SPTBN1: variants seen among roughly 807,000 people sequenced by gnomAD.
SPTBN1 encodes spectrin beta chain, non-erythrocytic 1.
Under a neutral mutation model 266.4 loss-of-function variants are expected in SPTBN1, and 32 were observed. The ratio of observed to expected loss-of-function variants is 0.12; its 90% confidence interval spans 0.09 to 0.16. The LOEUF (loss-of-function observed/expected upper bound fraction) is 0.16. Ranked by LOEUF, SPTBN1 falls within the 10% of genes least tolerant of loss-of-function variation. The probability of loss-of-function intolerance (pLI) is 1.00; values close to 1 mark genes in which losing one functional copy is unlikely to be tolerated. For synonymous variants in SPTBN1, 1,336 were observed against 1,162.2 expected, an observed-to-expected ratio of 1.15 and a Z score of -3.04; for missense variants, 2,296 against 3,067.1, an observed-to-expected ratio of 0.75 and a Z score of 5.94.
In SPTBN1 at chr2:54,558,038, G is replaced by C. The variant is rs1043145988; in HGVS notation, c.148+31472G>C. ...GACCCTTGGGGCTCTTCACTCTCCA[G>C]GCCGTCCCGTGGGCGCGCTAGCCTT... On this transcript the variant is annotated intron_variant, in intron 2 of 35. Coordinates refer to ENST00000356805, the MANE Select transcript of SPTBN1 (RefSeq NM_003128.3). The surrounding 1 kb of genome is among the most constrained non-coding windows in gnomAD (Gnocchi z 4.6). 60 of 985,180 alleles carry C rather than the reference G, an allele frequency of 6.1e-5. No homozygotes were observed. The highest frequency in any genetic ancestry group is 6.9e-5 in the Non-Finnish European group (57 of 829,916). 61.0% of individuals were successfully genotyped at this position (985,180 alleles called of 1,614,324 possible). A position where few individuals can be genotyped will look rare whatever the true frequency, so the allele number is the denominator to read the frequency against.
At chr2:54,586,364 A>G (rs1675295771) in intron 2 of SPTBN1, among the ~76,000 whole-genome samples, 1 of 152,360 alleles carries the variant, frequency 6.6e-6, no homozygotes, top group African/African-American at 2.4e-5. Context: ...ACAGAAGCCA[A>G]TTTTTAAATC....
chr2:54,549,036 C>CA (rs1328769292), intron 2 of SPTBN1, among the ~76,000 whole-genome samples: 1 of 152,132 alleles, frequency 6.6e-6, no homozygotes, highest in Non-Finnish European at 1.5e-5. Flanking sequence ...CACGGTGGCT[C>CA]ACGCCTGTAA....
intron 1 of SPTBN1, among the ~76,000 whole-genome samples, chr2:54,496,007 C>G (rs1054232236): frequency 6.6e-6 from 1 of 152,080 alleles, no homozygotes; most frequent in Admixed American, 6.6e-5. Flanking sequence ...TAGAAGTACA[C>G]ATGGGCTTAT....
intron 2 of SPTBN1, among the ~76,000 whole-genome samples, chr2:54,551,593 A>G (rs1476748493): frequency 6.6e-6 from 1 of 152,134 alleles, no homozygotes; most frequent in African/African-American, 2.4e-5. Flanking sequence ...CTCAGCAGTG[A>G]TCTCAGGTGT....
intron 24 of SPTBN1, 105 bp from the exon 25 acceptor site, chr2:54,648,881 A>G (rs1680086191): frequency 1.6e-5 from 17 of 1,063,102 alleles, no homozygotes; most frequent in South Asian, 1.1e-4. Flanking sequence ...TTTGAGAAAT[A>G]TGATGTAATA....
rs1439553185 is a variant in SPTBN1, at chr2:54,670,785, GCT to G, written c.*2223_*2224del. The G allele has an allele frequency of 1.8e-5, 7 of 398,294 alleles. No individual in the cohort carries two copies. Among genetic ancestry groups the G allele is most frequent in the Admixed American group, 1.3e-4 (3 of 22,706 alleles). The allele number at this position is 398,294 out of a possible 1,614,324, so 24.7% of individuals were successfully genotyped here. A position where few individuals can be genotyped will look rare whatever the true frequency, so the allele number is the denominator to read the frequency against. Reference sequence around the variant, plus strand: ...ATGAAGCCAGGGTTTGGTGGTATTTGCTCTCTCTTGGTGCATTTGATAAGGAT... The same window carrying G: ...ATGAAGCCAGGGTTTGGTGGTATTTGCTCTCTTGGTGCATTTGATAAGGAT... On this transcript the variant is annotated 3_prime_UTR_variant, in exon 36 of 36. Transcript: ENST00000356805.
intron 24 of SPTBN1, among the ~76,000 whole-genome samples, chr2:54,647,991 G>A (rs768085142): frequency 3.0e-4 from 45 of 152,192 alleles, no homozygotes; most frequent in Non-Finnish European, 5.3e-4. Flanking sequence ...GCATAGACCT[G>A]TAAAATGAAG....
rs780362226 is a variant in SPTBN1 at position 54,649,233 on chromosome 2, G to A, written c.5202+43G>A. The A allele has an allele frequency of 3.9e-6, 6 of 1,553,790 alleles. No individual in the cohort carries two copies. The highest frequency in any genetic ancestry group is 1.4e-5 in the African/African-American group (1 of 73,786). On this transcript the variant is annotated intron_variant, in intron 25 of 35. Coordinates refer to ENST00000356805, the MANE Select transcript of SPTBN1 (RefSeq NM_003128.3). The surrounding 1 kb of genome is among the most constrained non-coding windows in gnomAD (Gnocchi z 6.7). Reference sequence around the variant, plus strand: ...TGCATGAGTTGGTTGTGCAGTAAGCGATGGTGTGGAAGGCCATTTGCATTC... The same window carrying A: ...TGCATGAGTTGGTTGTGCAGTAAGCAATGGTGTGGAAGGCCATTTGCATTC...
intron 1 of SPTBN1, among the ~76,000 whole-genome samples, chr2:54,483,666 C>T (rs529452218): frequency 1.4e-3 from 219 of 152,000 alleles, no homozygotes; most frequent in Admixed American, 2.7e-3. Flanking sequence ...TTCCTGGGCA[C>T]AGGAAGTGGG....
chr2:54,567,792 A>C (rs757655927), intron 2 of SPTBN1, among the ~76,000 whole-genome samples: 3 of 152,078 alleles, frequency 2.0e-5, no homozygotes, highest in African/African-American at 7.2e-5. Flanking sequence ...CTCTCTCTAT[A>C]TATATAGAAA....
At chr2:54,529,577 A>G in intron 2 of SPTBN1, 2 of 717,974 alleles carry the variant, frequency 2.8e-6, no homozygotes, top group South Asian at 2.7e-5. Context: ...TGCTATCATC[A>G]AGTTTCCTCT....
intron 1 of SPTBN1, among the ~76,000 whole-genome samples, chr2:54,498,706 C>T (rs1387486740): frequency 6.6e-6 from 1 of 152,104 alleles, no homozygotes; most frequent in Non-Finnish European, 1.5e-5. Flanking sequence ...AGCTCCCATG[C>T]ATCCATTGTC....
chr2:54,605,178 T>C (rs1389423155), intron 3 of SPTBN1, among the ~76,000 whole-genome samples: 1 of 152,174 alleles, frequency 6.6e-6, no homozygotes, highest in Non-Finnish European at 1.5e-5. Context: ...TATTGTTACC[T>C]CTTCTTCCTT....
rs1320804467 is a variant in SPTBN1 at position 54,621,455 on chromosome 2, T to C, written c.819T>C (p.Tyr273=). The change falls in exon 8 of 36, where the codon TAT becomes TAC. Residue 273 remains tyrosine, a synonymous_variant. Transcript: ENST00000356805. ...CCATAATCACTTATGTGGTGACTTA[T>C]TACCACTACTTCTCTAAGATGAAGG... ...EKSIITYVVT[Y]YHYFSKMKAL... 2.5e-6 allele frequency: 4 copies of C among 1,614,162 alleles called. No homozygotes were observed. Among genetic ancestry groups the C allele is most frequent in the South Asian group, 1.1e-5 (1 of 91,086 alleles).
intron 35 of SPTBN1, 110 bp from the exon 36 acceptor site, chr2:54,668,241 G>A: frequency 1.0e-6 from 1 of 984,094 alleles, no homozygotes; most frequent in Non-Finnish European, 1.6e-6. Flanking sequence ...GCCCAGAAGT[G>A]ACTCTGCTTA....
intron 2 of SPTBN1, among the ~76,000 whole-genome samples, chr2:54,539,549 T>A (rs534291900): frequency 6.6e-6 from 1 of 152,340 alleles, no homozygotes; most frequent in East Asian, 1.9e-4. Context: ...TTCTGTGTAC[T>A]TTTTTGTTGA....
At chr2:54,494,966 A>C (rs1378539158) in intron 1 of SPTBN1, among the ~76,000 whole-genome samples, 3 of 152,044 alleles carry the variant, frequency 2.0e-5, no homozygotes, top group Non-Finnish European at 4.4e-5. Flanking sequence ...CTTGTCTGCC[A>C]ATTGCACCGT....
chr2:54,488,399 C>CGTGATG (rs1668518287), intron 1 of SPTBN1, among the ~76,000 whole-genome samples: 1 of 152,134 alleles, frequency 6.6e-6, no homozygotes. Flanking sequence ...CTTGGACTGC[C>CGTGATG]GTGATGTCTG....
Position 54,629,608 on chromosome 2 carries a change from C to T in SPTBN1, c.2474C>T (p.Ser825Leu), listed in dbSNP as rs755455957. 61 of 1,613,860 alleles carry T rather than the reference C, an allele frequency of 3.8e-5. No homozygotes were observed. Among genetic ancestry groups the T allele is most frequent in the Admixed American group, 2.2e-4 (13 of 60,006 alleles). ...AESPDVRGRL[S>L]GIEERYKEVA... The stretch of plus-strand genomic sequence containing the variant: ...TCTCCAGACGTGAGGGGCAGGCTGT[C>T]GGGCATCGAGGAGCGGTATAAGGAG... Residue 825 changes from serine to leucine, a missense_variant, in exon 14 of 36, where the codon TCG (serine) becomes TTG (leucine). Ser to Leu is a moderately radical substitution (Grantham distance 145). Transcript: ENST00000356805.
Sources: gnomAD v4.1 joint callset for allele counts (sites outside exome capture counted in the v4.1 genomes callset) on GRCh38, gnomAD v4.1.1 for gene constraint, Gnocchi (gnomAD v3.1) non-coding constraint, MANE v1.5 for transcripts, NCBI Gene and HGNC (gene_info 2026-07-23, HGNC 2026-07-21) for gene names.